SLC17A6: variants seen among roughly 807,000 people sequenced by gnomAD.
The protein encoded by SLC17A6 is vesicular glutamate transporter 2.
A neutral mutation model predicts 67.1 loss-of-function variants in SLC17A6; 35 were observed. That is an observed-to-expected ratio of 0.52 (90% CI 0.40 to 0.69). SLC17A6 has a LOEUF of 0.69. SLC17A6 is among the 30% of genes least tolerant of loss of function. The pLI, the probability that SLC17A6 is intolerant of heterozygous loss-of-function variation, is 0.00. For missense variants in SLC17A6, 588 were observed against 723.9 expected (o/e 0.81, Z 2.15); for synonymous variants, 285 against 252.3 (o/e 1.13, Z -1.23).
At chr11:22,338,812 GGTGT>G (rs3047441) in intron 1 of SLC17A6, among the ~76,000 whole-genome samples, 193 bp downstream of exon 1, 18,057 of 136,168 alleles carry the variant, frequency 0.13, 1,378 homozygotes, top group Middle Eastern at 0.26. Context: ...GAACCTGTCT[GGTGT>G]GTGTGTGTGT....
chr11:22,358,605 T>G (rs1856016137), intron 3 of SLC17A6, among the ~76,000 whole-genome samples: 1 of 152,168 alleles, frequency 6.6e-6, no homozygotes, highest in African/African-American at 2.4e-5. Context: ...AGTGCTGGGG[T>G]TTACAGGAGT....
intron 3 of SLC17A6, among the ~76,000 whole-genome samples, chr11:22,343,963 C>T (rs1022333949): frequency 3.3e-5 from 5 of 152,082 alleles, no homozygotes; most frequent in African/African-American, 9.7e-5. Context: ...TGCCTTGCTG[C>T]GGTGTCCACA....
chr11:22,346,179 G>T (rs1001305824), intron 3 of SLC17A6, among the ~76,000 whole-genome samples: 13 of 152,092 alleles, frequency 8.5e-5, no homozygotes, highest in Non-Finnish European at 1.5e-4. Flanking sequence ...TCTCACTTTG[G>T]AAAGTTTTGC....
At chr11:22,347,547 T>A (rs920601126) in intron 3 of SLC17A6, among the ~76,000 whole-genome samples, 1 of 152,238 alleles carries the variant, frequency 6.6e-6, no homozygotes. Flanking sequence ...ACTATTCAGC[T>A]TATTTTTGTA....
chr11:22,377,515 G>A lies in SLC17A6; in HGVS notation c.1524G>A (p.Pro508=), dbSNP rs765390397. The change falls in exon 12 of 12, where the codon CCG becomes CCA. Residue 508 remains proline (P), a synonymous_variant. Transcript: ENST00000263160. ...ASGEKQPWAD[P]EETSEEKCGF... Reference sequence around the variant, plus strand: ...GAGAGAAACAACCCTGGGCAGACCCGGAGGAAACAAGTGAAGAAAAATGTG... The same window carrying A: ...GAGAGAAACAACCCTGGGCAGACCCAGAGGAAACAAGTGAAGAAAAATGTG... 5.0e-6 allele frequency: 8 copies of A among 1,613,934 alleles called. No individual in the cohort carries two copies. The highest frequency in any genetic ancestry group is 2.2e-5 in the South Asian group (2 of 91,084).
chr11:22,373,555 A>G (rs1198228037), intron 8 of SLC17A6, among the ~76,000 whole-genome samples: 2 of 152,112 alleles, frequency 1.3e-5, no homozygotes, highest in African/African-American at 2.4e-5. Context: ...GACTAAGCAC[A>G]TTAATATATA....
At chr11:22,339,145 A>T (rs371643153) in intron 1 of SLC17A6, among the ~76,000 whole-genome samples, 97 of 8,048 alleles carry the variant, frequency 0.012, 1 homozygote, top group Admixed American at 0.034. Flanking sequence ...TATATATGTT[A>T]TATATAGTTA....
intron 8 of SLC17A6, 76 bp downstream of exon 8, chr11:22,370,264 T>A (rs1353324658): frequency 2.4e-6 from 3 of 1,225,318 alleles, no homozygotes; most frequent in African/African-American, 3.1e-5. Flanking sequence ...TTTGCAAAAA[T>A]TTTTATCTTC....
intron 3 of SLC17A6, among the ~76,000 whole-genome samples, chr11:22,354,796 T>C (rs1564981416): frequency 6.6e-6 from 1 of 152,218 alleles, no homozygotes; most frequent in African/African-American, 2.4e-5. Context: ...TTACACCGTC[T>C]GTGAAGTAAA....
At chr11:22,367,296 T>A (rs1169299516) in intron 7 of SLC17A6, among the ~76,000 whole-genome samples, 2 of 151,520 alleles carry the variant, frequency 1.3e-5, no homozygotes, top group East Asian at 3.9e-4. Flanking sequence ...AAAAAAAAAG[T>A]CTATCACCCA....
intron 8 of SLC17A6, among the ~76,000 whole-genome samples, chr11:22,372,715 T>C (rs1304611667): frequency 6.6e-6 from 1 of 152,132 alleles, no homozygotes; most frequent in African/African-American, 2.4e-5. Flanking sequence ...CTGGAGTTTC[T>C]ATGAAGAATA....
In SLC17A6 at chr11:22,342,670, C is replaced by T. The variant is rs370383140; in HGVS notation, c.340-577C>T. On this transcript the variant is annotated intron_variant, in intron 2 of 11. Transcript: ENST00000263160. ...TATTAAAACCCCTGAGCAATGACTC[C>T]CTCTCCCTTTACTCCTCCCATTTCA... 1.5e-3 allele frequency among the ~76,000 whole-genome samples: 223 copies of T among 152,240 alleles called. 6 individuals are homozygous for T. The South Asian group carries it at 0.046, about 31-fold the overall frequency.
At chr11:22,354,210 A>G (rs767856844) in intron 3 of SLC17A6, among the ~76,000 whole-genome samples, 1 of 151,702 alleles carries the variant, frequency 6.6e-6, no homozygotes, top group Admixed American at 6.6e-5. Context: ...CAGCCTCCTG[A>G]GTAGCTGAGA....
intron 3 of SLC17A6, among the ~76,000 whole-genome samples, chr11:22,355,083 C>T (rs536850156): frequency 6.6e-6 from 1 of 152,176 alleles, no homozygotes; most frequent in Non-Finnish European, 1.5e-5. Flanking sequence ...AGCCATTCTT[C>T]TGGTTGTTTT....
chr11:22,341,094 G>C (rs752591454), intron 1 of SLC17A6, among the ~76,000 whole-genome samples: 25 of 152,202 alleles, frequency 1.6e-4, no homozygotes, highest in Non-Finnish European at 3.2e-4. Context: ...AGGACACCGC[G>C]GTAGTCAGGG....
At chr11:22,352,881 T>C (rs1003698819) in intron 3 of SLC17A6, among the ~76,000 whole-genome samples, 8 of 152,196 alleles carry the variant, frequency 5.3e-5, no homozygotes, top group African/African-American at 1.9e-4. Flanking sequence ...AGATGGACTA[T>C]TGAGGCACAG....
intron 1 of SLC17A6, 142 bp from the exon 2 acceptor site, chr11:22,341,385 AC>A: frequency 8.1e-7 from 1 of 1,227,168 alleles, no homozygotes; most frequent in Non-Finnish European, 1.1e-6. Flanking sequence ...GCTTGGTGTC[AC>A]CCCACCACCC....
chr11:22,350,172 C>A (rs866928179), intron 3 of SLC17A6, among the ~76,000 whole-genome samples: 1 of 152,188 alleles, frequency 6.6e-6, no homozygotes, highest in Admixed American at 6.5e-5. Flanking sequence ...AATCATCAGG[C>A]AGTTTGTGAT....
intron 3 of SLC17A6, among the ~76,000 whole-genome samples, chr11:22,343,679 C>T (rs2133858914): frequency 6.6e-6 from 1 of 152,212 alleles, no homozygotes; most frequent in African/African-American, 2.4e-5. Context: ...CGGGAGCAGG[C>T]AGAGCAGGGA....
Sources: gnomAD v4.1 joint callset for allele counts (sites outside exome capture counted in the v4.1 genomes callset) on GRCh38, gnomAD v4.1.1 for gene constraint, MANE v1.5 for transcripts, NCBI Gene and HGNC (gene_info 2026-07-23, HGNC 2026-07-21) for gene names.